GLYR1: variants seen among roughly 807,000 people sequenced by gnomAD.
The protein encoded by GLYR1 is cytokine-like nuclear factor N-PAC.
GLYR1 carries 21 observed loss-of-function variants against 72.7 expected under a neutral mutation model. The ratio of observed to expected loss-of-function variants is 0.29; its 90% CI spans 0.20 to 0.42. The LOEUF (loss-of-function observed/expected upper bound fraction) is 0.42, where lower values mean the gene tolerates loss of function less well. Among genes scored for constraint, GLYR1 ranks in the 10% least tolerant of loss-of-function variants. The probability of loss-of-function intolerance (pLI) is 1.00; values close to 1 mark genes in which losing one functional copy is unlikely to be tolerated. For missense variants in GLYR1, 594 were observed against 712.1 expected, an observed-to-expected ratio of 0.83 and a Z score of 1.89; for synonymous variants, 392 against 270.2, an observed-to-expected ratio of 1.45 and a Z score of -4.42.
chr16:4,826,490 C>T (rs1433499672), intron 5 of GLYR1, among the ~76,000 whole-genome samples: 4 of 152,216 alleles, frequency 2.6e-5, no homozygotes, highest in Non-Finnish European at 5.9e-5. Context: ...GCCTACTCTA[C>T]AACCCATGCT....
At chr16:4,822,101 T>TCTTTGTGTTATCTATTTATCTA (rs1555500044) in intron 7 of GLYR1, among the ~76,000 whole-genome samples, 34 of 152,190 alleles carry the variant, frequency 2.2e-4, no homozygotes, top group Admixed American at 5.9e-4. Flanking sequence ...TTAAATGCTC[T>TCTTTGTGTTATCTATTTATCTA]TCTGAGATAG....
At chr16:4,819,138 A>G (rs930462918) in intron 9 of GLYR1, among the ~76,000 whole-genome samples, 3 of 152,034 alleles carry the variant, frequency 2.0e-5, no homozygotes, top group Non-Finnish European at 4.4e-5. Context: ...TTCTGATCAT[A>G]TCATGTTCTT....
At chr16:4,838,016 G>C (rs1277619700) in intron 3 of GLYR1, among the ~76,000 whole-genome samples, 1 of 152,086 alleles carries the variant, frequency 6.6e-6, no homozygotes, top group African/African-American at 2.4e-5. Flanking sequence ...GATGGGGCCA[G>C]AAGGTGTGGG....
rs748643491 is a variant in GLYR1, at chr16:4,847,221, G to C, written c.38+7C>G. 13 of 1,604,882 alleles carry C rather than the reference G, an allele frequency of 8.1e-6. No individual in the cohort carries two copies. The highest frequency in any genetic ancestry group is 1.1e-5 in the Non-Finnish European group (13 of 1,177,044). ...GCGTCTCGGTTGGCCCGGCCGCTCG[G>C]ACTCACCACACCAAGTCGCCGAGCC... On this transcript the variant is annotated splice_region_variant and intron_variant, in intron 1 of 15. Coordinates refer to ENST00000321919, the MANE Select transcript of GLYR1 (RefSeq NM_032569.4).
Position 4,814,636 on chromosome 16 carries a change from G to T in GLYR1, c.918C>A (p.Phe306Leu). ...TTCCCAGACGGGCCCCCTCCTGGAT[G>T]AACAAATCACACTGCAAAAGTCACA... ...WNRTAEKCDLFIQEGARLGRT... is the reference protein window; with the variant it reads ...WNRTAEKCDLLIQEGARLGRT... The change falls in exon 11 of 16, where the codon TTC (phenylalanine) becomes TTA (leucine). Residue 306 changes from phenylalanine to leucine, a missense_variant. Phe to Leu is a conservative substitution (Grantham distance 22, BLOSUM62 0). Coordinates refer to ENST00000321919, the MANE Select transcript of GLYR1 (RefSeq NM_032569.4). 1 of 1,613,434 alleles carries T rather than the reference G, an allele frequency of 6.2e-7. No individual in the cohort carries two copies. The highest frequency in any genetic ancestry group is 8.5e-7 in the Non-Finnish European group (1 of 1,179,406).
At chr16:4,831,514 G>T (rs993347291) in intron 5 of GLYR1, among the ~76,000 whole-genome samples, 1 of 152,136 alleles carries the variant, frequency 6.6e-6, no homozygotes, top group African/African-American at 2.4e-5. Flanking sequence ...CACGGGCTGT[G>T]CCCTCCATCT....
chr16:4,814,864 G>T (rs1031616791), intron 10 of GLYR1, among the ~76,000 whole-genome samples: 16 of 152,190 alleles, frequency 1.1e-4, no homozygotes, highest in African/African-American at 3.9e-4. Flanking sequence ...TGCCTAGGAT[G>T]ATGAACTGCT....
At chr16:4,844,442 T>C (rs540113457) in intron 3 of GLYR1, among the ~76,000 whole-genome samples, 31 of 152,228 alleles carry the variant, frequency 2.0e-4, no homozygotes, top group Non-Finnish European at 4.1e-4. Context: ...CATAATGATA[T>C]ATGGCATTAA....
At position 4,837,613 on chromosome 16, in the gene GLYR1, GAGAC is replaced by G. The variant is rs375077472; in HGVS notation, c.156-4705_156-4702del. On this transcript the variant is annotated intron_variant, in intron 3 of 15. Coordinates refer to ENST00000321919, the MANE Select transcript of GLYR1 (RefSeq NM_032569.4). ...ACGGGGAGAAGATGGCAGGGGGAGG[GAGAC>G]AGACAGAGAAAAAGCACACACACAC... Among the ~76,000 whole-genome samples, 30 of 152,046 alleles carry G rather than the reference GAGAC, an allele frequency of 2.0e-4. No homozygotes were observed. In the East Asian group the frequency reaches 4.9e-3, roughly 25 times the overall value.
rs2082816055 is a variant in GLYR1 at position 4,803,727 on chromosome 16, T to C, written c.*1509A>G. On this transcript the variant is annotated 3_prime_UTR_variant, in exon 16 of 16. Transcript: ENST00000321919. Reference sequence around the variant, plus strand: ...CGTCTTCTGCAATCCTCTAACCCAGTTTCTAATCTCTGAAAGGGGCCAAAG... The same window carrying C: ...CGTCTTCTGCAATCCTCTAACCCAGCTTCTAATCTCTGAAAGGGGCCAAAG... The C allele has an allele frequency of 6.6e-6, 1 of 152,092 alleles. No homozygotes were observed. Among genetic ancestry groups the C allele is most frequent in the Non-Finnish European group, 1.5e-5 (1 of 68,014 alleles). 9.4% of individuals were successfully genotyped at this position (152,092 alleles called of 1,614,324 possible).
At chr16:4,808,615 A>C (rs947325701) in intron 15 of GLYR1, among the ~76,000 whole-genome samples, 4 of 152,180 alleles carry the variant, frequency 2.6e-5, no homozygotes, top group Admixed American at 1.3e-4. Flanking sequence ...AAAATAAAAT[A>C]AAATAAAATA....
intron 14 of GLYR1, 113 bp from the exon 15 acceptor site, chr16:4,811,407 C>CCTAG (rs1294940985): frequency 1.4e-6 from 2 of 1,452,638 alleles, no homozygotes; most frequent in African/African-American, 2.8e-5. Flanking sequence ...TTCCACATAG[C>CCTAG]CTAGGCCTCT....
In GLYR1 at chr16:4,845,081, C is replaced by G; in HGVS notation, c.148G>C (p.Glu50Gln). ...CTGGTGAGTACTACTCACTGATCTT[C>G]TGTTCCAAAAAATTTCACAAAGAAG... ...KCFFVKFFGTEDHAWIKVEQL... is the reference protein window; with the variant it reads ...KCFFVKFFGTQDHAWIKVEQL... Residue 50 changes from glutamate (E) to glutamine (Q), a missense_variant, in exon 3 of 16, where the codon GAA (glutamate) becomes CAA (glutamine). By Grantham distance (29) the Glu-to-Gln change is conservative. Transcript: ENST00000321919. The G allele has an allele frequency of 1.2e-6, 2 of 1,612,650 alleles. No individual in the cohort carries two copies. The highest frequency in any genetic ancestry group is 1.7e-6 in the Non-Finnish European group (2 of 1,178,688).
chr16:4,832,664 T>C (rs1162100071), intron 4 of GLYR1, 110 bp downstream of exon 4: 50 of 1,267,676 alleles, frequency 3.9e-5, no homozygotes, highest in Non-Finnish European at 4.6e-5. Flanking sequence ...CTTTCTCCAG[T>C]AGCATTTCAG....
At chr16:4,813,648 A>G in intron 12 of GLYR1, 89 bp downstream of exon 12, 10 of 1,131,742 alleles carry the variant, frequency 8.8e-6, no homozygotes, top group Non-Finnish European at 1.3e-5. Context: ...CTTTGGCTCT[A>G]GAGTAACTTA....
rs921743281 is a variant in GLYR1 at position 4,804,924 on chromosome 16, G to A, written c.*312C>T. ...AGTTTCTGGGCAGCTTCTATCCTGG[G>A]GCGAGAGCCTGTGTGTGTGTGTGTG... is the stretch of plus-strand genomic sequence containing the variant. On this transcript the variant is annotated 3_prime_UTR_variant, in exon 16 of 16. Transcript: ENST00000321919. 2.5e-5 allele frequency: 9 copies of A among 364,418 alleles called. No individual in the cohort carries two copies. The highest frequency in any genetic ancestry group is 1.9e-4 in the African/African-American group (9 of 46,746). 22.6% of individuals were successfully genotyped at this position (364,418 alleles called of 1,614,324 possible).
intron 3 of GLYR1, among the ~76,000 whole-genome samples, chr16:4,837,949 AAAT>A (rs987800604): frequency 2.0e-5 from 3 of 150,554 alleles, no homozygotes; most frequent in Non-Finnish European, 3.0e-5. Context: ...ATAAATAAAT[AAAT>A]AAATAAATAA....
chr16:4,839,493 A>G (rs935843160), intron 3 of GLYR1: 1 of 152,148 alleles, frequency 6.6e-6, no homozygotes, highest in African/African-American at 2.4e-5. Context: ...TTGACACATA[A>G]TCTTTGGTTG....
chr16:4,832,200 C>CA lies in GLYR1; in HGVS notation c.315dup (p.Asp106Ter). The CA allele has an allele frequency of 1.2e-6, 2 of 1,614,070 alleles. No homozygotes were observed. Among genetic ancestry groups the CA allele is most frequent in the Non-Finnish European group, 1.7e-6 (2 of 1,179,990 alleles). On this transcript the variant is annotated frameshift_variant, in exon 5 of 16. Transcript: ENST00000321919. LOFTEE classifies it high-confidence loss of function. Reference sequence around the variant, plus strand: ...CTGGAATTACGTCGATTCTTGTCATCAGAAGAATTGTGGGATGACGTCTGA... The same window carrying CA: ...CTGGAATTACGTCGATTCTTGTCATCAAGAAGAATTGTGGGATGACGTCTGA...
Sources: gnomAD v4.1 joint callset for allele counts (sites outside exome capture counted in the v4.1 genomes callset) on GRCh38, gnomAD v4.1.1 for gene constraint, MANE v1.5 for transcripts, NCBI Gene and HGNC (gene_info 2026-07-23, HGNC 2026-07-21) for gene names.